Variants in RORA observed in about 807,000 individuals in gnomAD.
RORA encodes the protein RAR related orphan receptor A.
A neutral mutation model predicts 69.5 loss-of-function variants in RORA; 7 were observed. The observed-to-expected ratio is 0.10, with a 90% CI of 0.06 to 0.19. RORA has a LOEUF of 0.19. Among genes scored for constraint, RORA ranks in the 10% least tolerant of loss-of-function variants. RORA has a pLI of 1.00. For synonymous variants in RORA, 261 were observed against 240.8 expected (o/e 1.08, Z -0.78); for missense variants, 457 against 663.0 (o/e 0.69, Z 3.41).
At chr15:60,650,280 T>C (rs1295812905) in intron 2 of RORA, among the ~76,000 whole-genome samples, 1 of 151,924 alleles carries the variant, frequency 6.6e-6, no homozygotes, top group African/African-American at 2.4e-5. Context: ...TTAGAGAGGA[T>C]CAAACAAGGC....
intron 1 of RORA, among the ~76,000 whole-genome samples, chr15:61,222,318 G>C (rs960246495): frequency 6.6e-6 from 1 of 152,190 alleles, no homozygotes; most frequent in Non-Finnish European, 1.5e-5. Context: ...AATGTGATAA[G>C]ACAGTCTGTA....
At chr15:60,552,248 A>ACC (rs1332288026) in intron 2 of RORA, among the ~76,000 whole-genome samples, 1 of 152,178 alleles carries the variant, frequency 6.6e-6, no homozygotes, top group Non-Finnish European at 1.5e-5. Flanking sequence ...TCTGAGCCAC[A>ACC]AGTGCACTGC....
At chr15:61,170,750 A>G (rs756289188) in intron 1 of RORA, among the ~76,000 whole-genome samples, 6 of 152,240 alleles carry the variant, frequency 3.9e-5, no homozygotes, top group African/African-American at 9.6e-5. Flanking sequence ...CTAGCAGTCA[A>G]AAGAGAAGTG....
chr15:61,184,360 T>C (rs1294087401), intron 1 of RORA, among the ~76,000 whole-genome samples: 1 of 152,150 alleles, frequency 6.6e-6, no homozygotes, highest in African/African-American at 2.4e-5. Context: ...CTTCACGCAT[T>C]ACATCATCTC....
chr15:60,602,540 G>A (rs551721220), intron 2 of RORA, among the ~76,000 whole-genome samples: 13 of 152,236 alleles, frequency 8.5e-5, no homozygotes, highest in African/African-American at 3.1e-4. Context: ...AGATTTAGGC[G>A]TAACAAAACA....
chr15:61,073,028 C>T (rs1337033134), intron 1 of RORA, among the ~76,000 whole-genome samples: 2 of 152,170 alleles, frequency 1.3e-5, no homozygotes, highest in African/African-American at 2.4e-5. Context: ...ACTTTGAAAA[C>T]GGAGGGTTTC....
At chr15:61,185,683 C>T (rs1444537013) in intron 1 of RORA, among the ~76,000 whole-genome samples, 1 of 152,226 alleles carries the variant, frequency 6.6e-6, no homozygotes, top group East Asian at 1.9e-4. Flanking sequence ...AACTACCACT[C>T]TGTTCCATTC....
chr15:61,096,952 G>A (rs2078799748), intron 1 of RORA, among the ~76,000 whole-genome samples: 1 of 152,228 alleles, frequency 6.6e-6, no homozygotes, highest in Non-Finnish European at 1.5e-5. Context: ...CATCGCCCAT[G>A]TAGAAGGCAC....
At chr15:61,099,629 C>A (rs1376474228) in intron 1 of RORA, among the ~76,000 whole-genome samples, 1 of 152,236 alleles carries the variant, frequency 6.6e-6, no homozygotes, top group East Asian at 1.9e-4. Context: ...TACCTCCTAC[C>A]GAAAAAACAA....
chr15:61,131,560 G>A lies in RORA; in HGVS notation c.166+97493C>T, dbSNP rs1346397950. ...TCCACTGGAAAACTGGAGGAACTGG[G>A]ATCTAGTTACTCATGCTATAGAAGT... On this transcript the variant is annotated intron_variant, in intron 1 of 10. Transcript: ENST00000335670. The surrounding 1 kb of genome is among the most constrained non-coding windows in gnomAD (Gnocchi z 4.2). Among the ~76,000 whole-genome samples the A allele has an allele frequency of 1.3e-5, 2 of 152,158 alleles. No individual in the cohort carries two copies. Among genetic ancestry groups the A allele is most frequent in the African/African-American group, 4.8e-5 (2 of 41,442 alleles).
At chr15:61,004,227 G>C (rs1181247344) in intron 1 of RORA, among the ~76,000 whole-genome samples, 1 of 151,982 alleles carries the variant, frequency 6.6e-6, no homozygotes, top group Non-Finnish European at 1.5e-5. Flanking sequence ...TGGGGAGAGG[G>C]GAGGAGTAGA....
intron 1 of RORA, among the ~76,000 whole-genome samples, chr15:60,895,589 A>AGCG (rs1891211432): frequency 6.9e-6 from 1 of 145,562 alleles, no homozygotes; most frequent in Non-Finnish European, 1.5e-5. Context: ...ATAGCTCGGC[A>AGCG]TCTTGTGGGA....
At chr15:60,691,245 G>A (rs539825260) in intron 1 of RORA, among the ~76,000 whole-genome samples, 11 of 152,058 alleles carry the variant, frequency 7.2e-5, no homozygotes, top group African/African-American at 2.2e-4. Flanking sequence ...ATCCACATTC[G>A]CTCTCCCTGC....
rs186042085 is a variant in RORA, at chr15:60,789,974, C to T, written c.167-111288G>A. ...TATTCTCCTCTAAGCAGCACAGCAG[C>T]CTATAGATGATACAACCGATAAGTG... On this transcript the variant is annotated intron_variant, in intron 1 of 10. Coordinates refer to ENST00000335670, the MANE Select transcript of RORA (RefSeq NM_134261.3). 2.6e-5 allele frequency among the ~76,000 whole-genome samples: 4 copies of T among 152,308 alleles called. No individual in the cohort carries two copies. In the East Asian group the frequency reaches 7.7e-4, roughly 29 times the overall value.
chr15:60,497,931 C>T (rs575446239), intron 10 of RORA, among the ~76,000 whole-genome samples: 1 of 151,504 alleles, frequency 6.6e-6, no homozygotes, highest in Non-Finnish European at 1.5e-5. Context: ...TGGCAGCGTG[C>T]GCCTGTAATC....
chr15:60,867,702 C>T (rs1395454527), intron 1 of RORA, among the ~76,000 whole-genome samples: 1 of 152,120 alleles, frequency 6.6e-6, no homozygotes, highest in Non-Finnish European at 1.5e-5. Context: ...GTTGAGGCTA[C>T]AGCTACCAGG....
intron 1 of RORA, among the ~76,000 whole-genome samples, chr15:61,163,477 A>T (rs2079514324): frequency 6.6e-6 from 1 of 152,338 alleles, no homozygotes; most frequent in African/African-American, 2.4e-5. Context: ...CTGACAAATT[A>T]GACAAAGCAA....
intron 1 of RORA, among the ~76,000 whole-genome samples, chr15:61,167,366 T>G (rs904562446): frequency 3.9e-5 from 6 of 152,180 alleles, no homozygotes; most frequent in African/African-American, 1.4e-4. Flanking sequence ...TTGAGTTACT[T>G]AAAGAATGTG....
intron 1 of RORA, among the ~76,000 whole-genome samples, chr15:61,024,560 C>T (rs1332584495): frequency 1.3e-5 from 2 of 151,480 alleles, no homozygotes; most frequent in East Asian, 1.9e-4. Flanking sequence ...AAGTGATTCT[C>T]CTGCCTCAGC....
Sources: allele counts gnomAD v4.1 joint callset (sites outside exome capture counted in the v4.1 genomes callset), GRCh38; gene constraint gnomAD v4.1.1; non-coding constraint Gnocchi (gnomAD v3.1); transcripts MANE v1.5; gene names NCBI Gene and HGNC (gene_info 2026-07-23, HGNC 2026-07-21).